ZIC4: variants seen among roughly 807,000 people sequenced by gnomAD.
The protein encoded by ZIC4 is zinc finger protein ZIC 4.
Under a neutral mutation model 28.8 loss-of-function variants are expected in ZIC4, and 15 were observed. The observed-to-expected ratio is 0.52, with a 90% CI of 0.35 to 0.80. The LOEUF (loss-of-function observed/expected upper bound fraction) is 0.80. Ranked by LOEUF, ZIC4 falls within the 30% of genes least tolerant of loss-of-function variation. ZIC4 has a pLI of 0.01. For missense variants in ZIC4, 512 were observed against 467.1 expected, an observed-to-expected ratio of 1.10 and a Z score of -0.89; for synonymous variants, 220 against 198.1, an observed-to-expected ratio of 1.11 and a Z score of -0.93.
chr3:147,404,319 C>A (rs1354487298), intron 1 of ZIC4: 1 of 1,344,252 alleles, frequency 7.4e-7, no homozygotes, highest in Non-Finnish European at 9.5e-7. Flanking sequence ...GCACTACAGA[C>A]CCATAGACAT....
Position 147,391,020 on chromosome 3 carries a change from G to T in ZIC4, c.915C>A (p.Ala305=), listed in dbSNP as rs762710539. The T allele has an allele frequency of 3.1e-6, 5 of 1,613,594 alleles. No homozygotes were observed. The African/African-American group carries it at 6.7e-5, about 22-fold the overall frequency. Residue 305 remains alanine, a synonymous_variant, in exon 4 of 5, where the codon GCC becomes GCA. Coordinates refer to ENST00000383075, the MANE Select transcript of ZIC4 (RefSeq NM_032153.6). ...CGCAGTCCGACGAGGGCGACACGAG[G>T]GCAGACGGTGTAGCCGAATCGTAGC... ...SSGYDSATPS[A]LVSPSSDCGH...
chr3:147,391,431 C>G, intron 3 of ZIC4, 185 bp from the exon 4 acceptor site: 2 of 675,006 alleles, frequency 3.0e-6, no homozygotes, highest in Non-Finnish European at 4.8e-6. Context: ...CCGGTGCCCT[C>G]TCTTGAACGC....
intron 2 of ZIC4, among the ~76,000 whole-genome samples, chr3:147,399,223 T>C (rs1280223923): frequency 6.6e-6 from 1 of 152,168 alleles, no homozygotes; most frequent in Non-Finnish European, 1.5e-5. Context: ...CTTTCTCCCA[T>C]GGTTTACTCC....
chr3:147,399,826 C>T (rs1576462499), intron 2 of ZIC4, among the ~76,000 whole-genome samples: 1 of 152,178 alleles, frequency 6.6e-6, no homozygotes, highest in South Asian at 2.1e-4. Context: ...GCATCATGCC[C>T]AGCTAATTTT....
At chr3:147,394,956 G>A (rs1365312877) in intron 3 of ZIC4, among the ~76,000 whole-genome samples, 1 of 152,164 alleles carries the variant, frequency 6.6e-6, no homozygotes, top group African/African-American at 2.4e-5. Flanking sequence ...ATTTTCTCCT[G>A]TCCCCACCAG....
At chr3:147,391,373 C>G in intron 3 of ZIC4, 127 bp from the exon 4 acceptor site, 1 of 1,270,480 alleles carries the variant, frequency 7.9e-7, no homozygotes, top group South Asian at 1.6e-5. Context: ...AATCCCTTTC[C>G]ACGGCGCCTC....
At chr3:147,403,945 G>A (rs763583319) in intron 1 of ZIC4, 1 of 1,534,864 alleles carries the variant, frequency 6.5e-7, no homozygotes, top group Middle Eastern at 1.7e-4. Context: ...AGGCCTAGGA[G>A]GCAGGGGGGT....
intron 3 of ZIC4, chr3:147,393,647 T>C (rs538342246): frequency 1.6e-3 from 473 of 290,144 alleles, no homozygotes; most frequent in Non-Finnish European, 2.6e-3. Context: ...CGCCATTTTC[T>C]CGCACTTGTG....
At chr3:147,402,013 G>T (rs750587728) in intron 2 of ZIC4, among the ~76,000 whole-genome samples, 1 of 152,170 alleles carries the variant, frequency 6.6e-6, no homozygotes, top group African/African-American at 2.4e-5. Flanking sequence ...TTTGACTTTG[G>T]TTAGGAAGGT....
intron 3 of ZIC4, chr3:147,393,989 T>C (rs1380707326): frequency 2.2e-6 from 1 of 455,736 alleles, no homozygotes; most frequent in Admixed American, 2.4e-5. Context: ...TGTTTGCCGC[T>C]TCTGCTACTC....
intron 3 of ZIC4, among the ~76,000 whole-genome samples, chr3:147,394,211 G>C (rs2086989959): frequency 1.3e-5 from 2 of 151,596 alleles, no homozygotes; most frequent in Non-Finnish European, 2.9e-5. Flanking sequence ...GCCAGACTCT[G>C]TAGTTCGTTG....
chr3:147,386,747 G>A lies in ZIC4; in HGVS notation c.*2112C>T, dbSNP rs1202225162. 1 of 152,232 alleles carries A rather than the reference G, an allele frequency of 6.6e-6. No homozygotes were observed. Among genetic ancestry groups the A allele is most frequent in the African/African-American group, 2.4e-5 (1 of 41,468 alleles). 9.4% of individuals were successfully genotyped at this position (152,232 alleles called of 1,614,324 possible). A position where few individuals can be genotyped will look rare whatever the true frequency, so the allele number is the denominator to read the frequency against. On this transcript the variant is annotated 3_prime_UTR_variant, in exon 5 of 5. Transcript: ENST00000383075. Reference sequence around the variant, plus strand: ...GCATTTACATGCATTTTCGATCACTGTGTTGTAGACCAAACCTTCTAAACT... The same window carrying A: ...GCATTTACATGCATTTTCGATCACTATGTTGTAGACCAAACCTTCTAAACT...
intron 3 of ZIC4, among the ~76,000 whole-genome samples, chr3:147,394,482 A>G (rs1239832326): frequency 6.6e-6 from 1 of 151,768 alleles, no homozygotes; most frequent in Non-Finnish European, 1.5e-5. Context: ...AAAAAAAAAA[A>G]AAAAACCCTG....
Position 147,404,265 on chromosome 3 carries a change from A to G in ZIC4, c.-15-1453T>C, listed in dbSNP as rs547594538. On this transcript the variant is annotated intron_variant, in intron 1 of 4. Coordinates refer to ENST00000383075, the MANE Select transcript of ZIC4 (RefSeq NM_032153.6). ...TAAGGCAGCCCCAACCCAACTTCTA[A>G]GAGGTCTGGATCACTTCTCTCCCAG... 4.7e-5 allele frequency: 68 copies of G among 1,434,354 alleles called. No homozygotes were observed. In the South Asian group the frequency reaches 9.3e-4, roughly 20 times the overall value. The allele number at this position is 1,434,354 out of a possible 1,614,324, so 88.9% of individuals were successfully genotyped here.
chr3:147,402,809 G>T lies in ZIC4; in HGVS notation c.-12C>A. The T allele has an allele frequency of 1.2e-6, 2 of 1,613,366 alleles. No homozygotes were observed. The highest frequency in any genetic ancestry group is 1.7e-6 in the Non-Finnish European group (2 of 1,179,796). On this transcript the variant is annotated 5_prime_UTR_variant, in exon 2 of 5. The change creates a premature stop within an existing upstream ORF in the 5' untranslated region. Transcript: ENST00000383075. ...GTCTTGTATCTCATTTTCTGACTTTGAGCCTGTTTGGGAAGAAAAGAGTGA... is the reference window on the plus strand; with the variant it reads ...GTCTTGTATCTCATTTTCTGACTTTTAGCCTGTTTGGGAAGAAAAGAGTGA...
At chr3:147,403,841 GA>G in intron 1 of ZIC4, 5 of 988,250 alleles carry the variant, frequency 5.1e-6, no homozygotes, top group South Asian at 1.8e-5. Context: ...TATGCACAAA[GA>G]TCTCTCTCTC....
At chr3:147,402,134 T>C (rs1398694225) in intron 2 of ZIC4, among the ~76,000 whole-genome samples, 2 of 152,200 alleles carry the variant, frequency 1.3e-5, no homozygotes, top group African/African-American at 4.8e-5. Context: ...CTAAATCATA[T>C]GCTTATTCTA....
intron 1 of ZIC4, 148 bp from the exon 2 acceptor site, chr3:147,402,960 C>A (rs944393678): frequency 1.8e-5 from 11 of 620,648 alleles, no homozygotes; most frequent in African/African-American, 3.7e-5. Flanking sequence ...AATTTTGAAG[C>A]TAAAGAAAAG....
intron 3 of ZIC4, chr3:147,392,510 G>C (rs1017892719): frequency 4.4e-6 from 4 of 908,410 alleles, no homozygotes; most frequent in Non-Finnish European, 5.3e-6. Flanking sequence ...AAGTGCTGCG[G>C]AAATGGGGGA....
Sources: allele counts gnomAD v4.1 joint callset (sites outside exome capture counted in the v4.1 genomes callset), GRCh38; gene constraint gnomAD v4.1.1; transcripts MANE v1.5; gene names NCBI Gene and HGNC (gene_info 2026-07-23, HGNC 2026-07-21).